TRAPPC13: variants seen among roughly 807,000 people sequenced by gnomAD.
TRAPPC13 encodes the protein trafficking protein particle complex subunit 13.
TRAPPC13 carries 39 observed loss-of-function variants against 54.0 expected under a neutral mutation model. The ratio of observed to expected loss-of-function variants is 0.72; its 90% CI spans 0.56 to 0.94. TRAPPC13 has a LOEUF of 0.94. Among genes scored for constraint, TRAPPC13 ranks in the 40% least tolerant of loss-of-function variants. The pLI is 0.00. For missense variants in TRAPPC13, 386 were observed against 488.1 expected (o/e 0.79, Z 1.97); for synonymous variants, 148 against 167.7 (o/e 0.88, Z 0.91).
intron 4 of TRAPPC13, among the ~76,000 whole-genome samples, chr5:65,641,892 A>T (rs114992394): frequency 0.014 from 2,074 of 149,846 alleles, 55 homozygotes; most frequent in African/African-American, 0.048. Flanking sequence ...TTTTCCTATG[A>T]ATATAGTATG....
intron 7 of TRAPPC13, among the ~76,000 whole-genome samples, chr5:65,653,339 C>A (rs1223084905): frequency 6.6e-6 from 1 of 152,088 alleles, no homozygotes. Context: ...TATATCTCTG[C>A]TACTCTAAAA....
intron 1 of TRAPPC13, among the ~76,000 whole-genome samples, chr5:65,627,131 C>CAAAAAAAAAAAAA (rs60169195): frequency 0.033 from 1,086 of 32,534 alleles, 206 homozygotes; most frequent in Non-Finnish European, 0.056. Flanking sequence ...GACCCTGTCT[C>CAAAAAAAAAAAAA]AAAAAAAAAA....
chr5:65,645,066 C>T (rs1261689502), intron 4 of TRAPPC13, among the ~76,000 whole-genome samples: 1 of 151,590 alleles, frequency 6.6e-6, no homozygotes, highest in Non-Finnish European at 1.5e-5. Context: ...GATGTGGTGA[C>T]GGGCGCCTGT....
At chr5:65,646,272 T>C (rs1756203833) in intron 4 of TRAPPC13, among the ~76,000 whole-genome samples, 1 of 152,140 alleles carries the variant, frequency 6.6e-6, no homozygotes, top group Non-Finnish European at 1.5e-5. Context: ...GGGAAAGTGC[T>C]ACTTTAGATG....
At chr5:65,639,314 TA>T (rs1201762657) in intron 4 of TRAPPC13, among the ~76,000 whole-genome samples, 3 of 151,852 alleles carry the variant, frequency 2.0e-5, no homozygotes, top group Non-Finnish European at 4.4e-5. Context: ...AGGTTTTATT[TA>T]ACCTTTTTTG....
intron 3 of TRAPPC13, among the ~76,000 whole-genome samples, chr5:65,637,475 CA>C (rs1268605789): frequency 3.3e-5 from 5 of 151,670 alleles, no homozygotes; most frequent in African/African-American, 4.8e-5. Flanking sequence ...ACTAAAAATA[CA>C]AAAAATTAGC....
intron 5 of TRAPPC13, among the ~76,000 whole-genome samples, chr5:65,647,666 C>T (rs928465191): frequency 5.9e-5 from 9 of 151,668 alleles, no homozygotes; most frequent in East Asian, 1.9e-4. Context: ...TGAATGTGAA[C>T]GCTCTATTTT....
chr5:65,644,167 T>C (rs2150676449), intron 4 of TRAPPC13, among the ~76,000 whole-genome samples: 1 of 152,220 alleles, frequency 6.6e-6, no homozygotes, highest in Middle Eastern at 3.4e-3. Flanking sequence ...TTCCTGGAGG[T>C]CCTGGTGATT....
intron 7 of TRAPPC13, among the ~76,000 whole-genome samples, chr5:65,653,790 T>C (rs1242453773): frequency 1.3e-5 from 2 of 152,136 alleles, no homozygotes; most frequent in Non-Finnish European, 2.9e-5. Context: ...ATCATCAAGA[T>C]TACTAGATGT....
At chr5:65,641,284 A>C (rs1755954815) in intron 4 of TRAPPC13, among the ~76,000 whole-genome samples, 1 of 152,178 alleles carries the variant, frequency 6.6e-6, no homozygotes, top group South Asian at 2.1e-4. Flanking sequence ...TAGGTCATGA[A>C]GCACAGCTTG....
chr5:65,651,842 GTTTTTTTTTTTTTTTTTT>G (rs762929434), intron 6 of TRAPPC13, among the ~76,000 whole-genome samples: 201 of 41,164 alleles, frequency 4.9e-3, no homozygotes, highest in African/African-American at 0.018. Flanking sequence ...ACGTGATTCA[GTTTTTTTTTTTTTTTTTT>G]TTTTTTTTTT....
At chr5:65,648,167 CTT>C (rs1169101178) in intron 5 of TRAPPC13, among the ~76,000 whole-genome samples, 1 of 152,168 alleles carries the variant, frequency 6.6e-6, no homozygotes, top group African/African-American at 2.4e-5. Context: ...TATTTGACTT[CTT>C]TTATCTCCAG....
chr5:65,643,105 G>A (rs137999776), intron 4 of TRAPPC13, among the ~76,000 whole-genome samples: 7 of 150,812 alleles, frequency 4.6e-5, no homozygotes, highest in Admixed American at 6.6e-5. Context: ...AATTTCAGTC[G>A]TATTTCACCT....
chr5:65,628,790 A>G (rs1368655288), intron 1 of TRAPPC13, among the ~76,000 whole-genome samples: 3 of 151,810 alleles, frequency 2.0e-5, no homozygotes, highest in African/African-American at 4.8e-5. Context: ...AATTTTAAGT[A>G]TAAAATGATT....
intron 4 of TRAPPC13, 105 bp from the exon 5 acceptor site, chr5:65,646,950 C>T: frequency 1.8e-6 from 2 of 1,097,460 alleles, no homozygotes; most frequent in Non-Finnish European, 2.5e-6. Flanking sequence ...TTTCATCCTT[C>T]TTTCCTAATT....
chr5:65,638,069 G>A (rs1237604398), intron 4 of TRAPPC13, among the ~76,000 whole-genome samples: 1 of 145,970 alleles, frequency 6.9e-6, no homozygotes, highest in Non-Finnish European at 1.5e-5. Context: ...GTTGCAGTGA[G>A]CCAAGATCAC....
intron 1 of TRAPPC13, chr5:65,625,334 G>A: frequency 2.2e-6 from 1 of 461,990 alleles, no homozygotes. Flanking sequence ...TCTGATCTGT[G>A]CTGCTTCAGT....
At chr5:65,631,836 T>G (rs1755556197) in intron 1 of TRAPPC13, among the ~76,000 whole-genome samples, 1 of 152,092 alleles carries the variant, frequency 6.6e-6, no homozygotes. Context: ...TTTATAGGAC[T>G]TTTCTTTATA....
chr5:65,634,944 G>A, intron 1 of TRAPPC13: 1 of 901,522 alleles, frequency 1.1e-6, no homozygotes, highest in Non-Finnish European at 1.3e-6. Flanking sequence ...TTAATATTTT[G>A]TTGATATTGT....
Sources: allele counts gnomAD v4.1 joint callset (sites outside exome capture counted in the v4.1 genomes callset), GRCh38; gene constraint gnomAD v4.1.1; transcripts MANE v1.5; gene names NCBI Gene and HGNC (gene_info 2026-07-23, HGNC 2026-07-21).